The following KIF3B variants were observed in gnomAD, a reference collection of about 807,000 sequenced individuals.
The protein encoded by KIF3B is kinesin family member 3B.
A neutral mutation model predicts 74.3 loss-of-function variants in KIF3B; 38 were observed. That is an observed-to-expected ratio of 0.51 (90% CI 0.39 to 0.67). The LOEUF is 0.67. KIF3B is among the 30% of genes least tolerant of loss of function. The probability of loss-of-function intolerance (pLI) is 0.00; values close to 1 mark genes in which losing one functional copy is unlikely to be tolerated. For synonymous variants in KIF3B, 326 were observed against 342.5 expected (o/e 0.95, Z 0.53); for missense variants, 649 against 932.0 (o/e 0.70, Z 3.95).
At chr20:32,285,199 G>A (rs1183658957) in intron 1 of KIF3B, among the ~76,000 whole-genome samples, 4 of 151,656 alleles carry the variant, frequency 2.6e-5, no homozygotes, top group Non-Finnish European at 2.9e-5. Context: ...TGATGAGGCC[G>A]CAAACAGATA....
chr20:32,299,558 A>G (rs2047733648), intron 1 of KIF3B, among the ~76,000 whole-genome samples: 1 of 150,478 alleles, frequency 6.6e-6, no homozygotes, highest in Non-Finnish European at 1.5e-5. Context: ...ATTACAGCGC[A>G]TCGCAGCATG....
rs745587157 is a variant in KIF3B at position 32,310,326 on chromosome 20, C to T, written c.549C>T (p.Val183=). 8 of 1,613,800 alleles carry T rather than the reference C, an allele frequency of 5.0e-6. No homozygotes were observed. The highest frequency in any genetic ancestry group is 6.8e-6 in the Non-Finnish European group (8 of 1,179,852). ...ATGTGAAAGACCTGTCTTCCTTTGT[C>T]ACCAAGAGTGTGAAGGAGATAGAGC... ...GVYVKDLSSF[V]TKSVKEIEHV... is the part of the protein sequence containing the mutation. The change falls in exon 2 of 9, where the codon GTC becomes GTT. Residue 183 remains valine, a synonymous_variant. Coordinates refer to ENST00000375712, the MANE Select transcript of KIF3B (RefSeq NM_004798.4). This position sits in a 1 kb window ranked among gnomAD's most constrained non-coding sequence, Gnocchi z 6.5.
intron 5 of KIF3B, among the ~76,000 whole-genome samples, chr20:32,322,175 T>A (rs2047863278): frequency 6.6e-6 from 1 of 152,162 alleles, no homozygotes; most frequent in Admixed American, 6.6e-5. Context: ...ATTATTTCTT[T>A]AATTTTTCTC....
chr20:32,320,885 G>A (rs1272135061), intron 5 of KIF3B, among the ~76,000 whole-genome samples: 1 of 152,000 alleles, frequency 6.6e-6, no homozygotes, highest in African/African-American at 2.4e-5. Context: ...ACTTTTGGGT[G>A]TTATGAATAA....
chr20:32,295,328 T>C (rs2047711647), intron 1 of KIF3B, among the ~76,000 whole-genome samples: 1 of 151,802 alleles, frequency 6.6e-6, no homozygotes, highest in Admixed American at 6.6e-5. Context: ...AATCTCGCTC[T>C]GTCGCCCAGG....
In KIF3B at chr20:32,310,761, G is replaced by A. The variant is rs2047796046; in HGVS notation, c.984G>A (p.Leu328=). 6.2e-7 allele frequency: 1 copy of A among 1,614,140 alleles called. No homozygotes were observed. Among genetic ancestry groups the A allele is most frequent in the Non-Finnish European group, 8.5e-7 (1 of 1,180,024 alleles). Residue 328 remains leucine (L), a synonymous_variant, in exon 2 of 9, where the codon CTG becomes CTA. Transcript: ENST00000375712. This position sits in a 1 kb window ranked among gnomAD's most constrained non-coding sequence, Gnocchi z 6.5. ...GPASYNVEET[L]TTLRYANRAK... ...CCTCTTACAACGTAGAAGAGACTCT[G>A]ACCACTCTGCGATATGCCAACCGTG...
Position 32,277,710 on chromosome 20 carries a change from C to A in KIF3B, c.-121C>A. 3.9e-6 allele frequency: 1 copy of A among 257,654 alleles called. No homozygotes were observed. The highest frequency in any genetic ancestry group is 7.1e-6 in the Non-Finnish European group (1 of 141,630). The allele number at this position is 257,654 out of a possible 1,614,324, so 16.0% of individuals were successfully genotyped here. ...CTGAGCCAGGGGTTCGCCGCCCCCG[C>A]CGCCGCCGCCGCCGCCGCCGCCGCC... On this transcript the variant is annotated 5_prime_UTR_variant, in exon 1 of 9. Coordinates refer to ENST00000375712, the MANE Select transcript of KIF3B (RefSeq NM_004798.4).
At chr20:32,289,180 T>G (rs1348747154) in intron 1 of KIF3B, among the ~76,000 whole-genome samples, 1 of 151,236 alleles carries the variant, frequency 6.6e-6, no homozygotes, top group Non-Finnish European at 1.5e-5. Context: ...ATACTGTATT[T>G]GTTTGGTACT....
rs140314143 is a variant in KIF3B, at chr20:32,310,937, G to T, written c.1160G>T (p.Gly387Val). ...AGGCGAGAGAAGCGGAGGGAAGGTGGTGGCAGTGGTGGGGGTGGGGAAGAG... is the reference window on the plus strand; with the variant it reads ...AGGCGAGAGAAGCGGAGGGAAGGTGTTGGCAGTGGTGGGGGTGGGGAAGAG... ...RKRREKRREG[G>V]GSGGGGEEEE... is the part of the protein sequence containing the mutation. Residue 387 changes from glycine to valine, a missense_variant, in exon 2 of 9, where the codon GGT becomes GTT. This residue lies in a region of KIF3B where 363 missense variants were observed against 592.8 expected (regional missense o/e 0.61). Transcript: ENST00000375712. The surrounding 1 kb of genome is among the most constrained non-coding windows in gnomAD (Gnocchi z 6.5). 4.2e-5 allele frequency: 68 copies of T among 1,612,678 alleles called. No individual in the cohort carries two copies. The highest frequency in any genetic ancestry group is 3.3e-4 in the Middle Eastern group (2 of 6,076).
chr20:32,281,083 G>A (rs911014945), intron 1 of KIF3B, among the ~76,000 whole-genome samples: 2 of 152,082 alleles, frequency 1.3e-5, no homozygotes, highest in Admixed American at 6.6e-5. Flanking sequence ...GAAAGACCCC[G>A]TCTTATGTAA....
intron 1 of KIF3B, among the ~76,000 whole-genome samples, chr20:32,307,959 C>G (rs6141666): frequency 0.35 from 52,052 of 150,624 alleles, 10,235 homozygotes; most frequent in East Asian, 0.74. Context: ...TAGTGACCAG[C>G]CTGGGTGGCT....
rs758424791 is a variant in KIF3B, at chr20:32,331,231, G to A, written c.2156G>A (p.Ser719Asn). Reference protein sequence around the residue: ...ANKKSKARPKSGRKSGSSSSS... With the variant: ...ANKKSKARPKNGRKSGSSSSS... ...GTGTTTGACTTTTGCAGGCCTAAAA[G>A]TGGAAGGAAGTCGGGATCCTCCTCC... The change falls in exon 9 of 9, where the codon AGT (serine) becomes AAT (asparagine). Residue 719 changes from serine to asparagine, a missense_variant. Ser to Asn is a conservative substitution (Grantham distance 46). This residue lies in a region of KIF3B where 186 missense variants were observed against 198.5 expected (regional missense o/e 0.94). Transcript: ENST00000375712. The A allele has an allele frequency of 1.9e-6, 3 of 1,613,568 alleles. 1 individual carries two copies. In the South Asian group the frequency reaches 3.3e-5, roughly 18 times the overall value.
intron 1 of KIF3B, among the ~76,000 whole-genome samples, chr20:32,298,953 G>A (rs535932421): frequency 6.6e-6 from 1 of 152,180 alleles, no homozygotes; most frequent in Non-Finnish European, 1.5e-5. Flanking sequence ...GTGAGCCACT[G>A]CACCCATCCT....
chr20:32,323,182 A>G (rs1362664723), intron 5 of KIF3B, among the ~76,000 whole-genome samples: 1 of 113,654 alleles, frequency 8.8e-6, no homozygotes, highest in Non-Finnish European at 1.8e-5. Context: ...TTATATATTT[A>G]TATATATTTA....
intron 1 of KIF3B, among the ~76,000 whole-genome samples, chr20:32,285,520 G>A (rs1343568848): frequency 1.3e-5 from 2 of 152,052 alleles, no homozygotes; most frequent in East Asian, 1.9e-4. Context: ...TATATTGGTC[G>A]AGGACTATGC....
chr20:32,325,073 C>T (rs1338324320), intron 5 of KIF3B, among the ~76,000 whole-genome samples: 1 of 152,112 alleles, frequency 6.6e-6, no homozygotes, highest in Non-Finnish European at 1.5e-5. Flanking sequence ...GTCGGTCAGT[C>T]CTCTTTGCAG....
At chr20:32,325,474 G>A (rs1462996174) in intron 5 of KIF3B, among the ~76,000 whole-genome samples, 2 of 152,010 alleles carry the variant, frequency 1.3e-5, no homozygotes, top group Non-Finnish European at 2.9e-5. Flanking sequence ...ACAGGTGTGA[G>A]CCACTGGGCC....
At chr20:32,323,790 A>G (rs1470852258) in intron 5 of KIF3B, among the ~76,000 whole-genome samples, 1 of 151,352 alleles carries the variant, frequency 6.6e-6, no homozygotes. Flanking sequence ...AGGCAGGAAA[A>G]TTGCTTGAAC....
rs775135537 is a variant in KIF3B at position 32,310,999 on chromosome 20, G to A, written c.1222G>A (p.Asp408Asn). ...EEGEEGEEEGDDKDDYWREQQ... is the reference protein window; with the variant it reads ...EEGEEGEEEGNDKDDYWREQQ... The stretch of plus-strand genomic sequence containing the variant: ...GGGAGAAGAGGGTGAGGAGGAAGGG[G>A]ATGATAAGGATGATTACTGGCGGGA... Residue 408 changes from aspartate (D) to asparagine (N), a missense_variant, in exon 2 of 9, where the codon GAT (aspartate) becomes AAT (asparagine). Asp to Asn is a conservative substitution (Grantham distance 23). Around this residue, in one of 4 missense-constraint regions of KIF3B, gnomAD observed 363 missense variants for 592.8 expected, o/e 0.61. Coordinates refer to ENST00000375712, the MANE Select transcript of KIF3B (RefSeq NM_004798.4). This position sits in a 1 kb window ranked among gnomAD's most constrained non-coding sequence, Gnocchi z 6.5. 22 of 1,613,396 alleles carry A rather than the reference G, an allele frequency of 1.4e-5. No homozygotes were observed. The highest frequency in any genetic ancestry group is 3.3e-5 in the South Asian group (3 of 90,994).
Sources: allele counts gnomAD v4.1 joint callset (sites outside exome capture counted in the v4.1 genomes callset), GRCh38; gene constraint gnomAD v4.1.1; regional missense constraint gnomAD v4.1.1; non-coding constraint Gnocchi (gnomAD v3.1); transcripts MANE v1.5; gene names NCBI Gene and HGNC (gene_info 2026-07-23, HGNC 2026-07-21).